The following CNBD1 variants were observed in gnomAD, a reference collection of about 807,000 sequenced individuals.
The protein encoded by CNBD1 is cyclic nucleotide-binding domain-containing protein 1.
In CNBD1, 71 loss-of-function variants were observed where a neutral mutation model predicts 54.4. The ratio of observed to expected loss-of-function variants is 1.30; its 90% CI spans 1.08 to 1.59. CNBD1 has a LOEUF of 1.59. Among genes scored for constraint, CNBD1 ranks in the 40% most tolerant of loss-of-function variants. The probability of loss-of-function intolerance (pLI) is 0.00; values close to 1 mark genes in which losing one functional copy is unlikely to be tolerated. For synonymous variants in CNBD1, 182 were observed against 170.7 expected (o/e 1.07, Z -0.51); for missense variants, 659 against 518.0 (o/e 1.27, Z -2.64).
At chr8:87,330,527 A>AT (rs1809802432) in intron 8 of CNBD1, among the ~76,000 whole-genome samples, 1 of 151,800 alleles carries the variant, frequency 6.6e-6, no homozygotes, top group Non-Finnish European at 1.5e-5. Flanking sequence ...TTCTCTTGAG[A>AT]TTTTATCTTT....
chr8:86,991,790 C>A (rs1471820552), intron 4 of CNBD1, among the ~76,000 whole-genome samples: 6 of 152,048 alleles, frequency 3.9e-5, no homozygotes, highest in Admixed American at 3.9e-4. Flanking sequence ...TATTCAGGAG[C>A]AAATGTTCAA....
At chr8:86,953,084 T>G (rs111308522) in intron 4 of CNBD1, among the ~76,000 whole-genome samples, 130 of 152,340 alleles carry the variant, frequency 8.5e-4, no homozygotes, top group African/African-American at 3.0e-3. Context: ...TTTTTCTTTC[T>G]GAATAGCAAT....
intron 4 of CNBD1, among the ~76,000 whole-genome samples, chr8:86,950,434 G>T (rs1396145623): frequency 6.6e-6 from 1 of 152,106 alleles, no homozygotes; most frequent in Non-Finnish European, 1.5e-5. Flanking sequence ...CTGTTGATAT[G>T]ATGTATCACA....
At chr8:87,041,656 G>A (rs1018675702) in intron 4 of CNBD1, among the ~76,000 whole-genome samples, 13 of 152,066 alleles carry the variant, frequency 8.5e-5, no homozygotes, top group Admixed American at 2.0e-4. Flanking sequence ...AAAATTAGCC[G>A]GGCATGGTGG....
chr8:87,261,999 CA>C (rs1248441430), intron 6 of CNBD1, among the ~76,000 whole-genome samples: 1 of 145,006 alleles, frequency 6.9e-6, no homozygotes, highest in Admixed American at 6.9e-5. Flanking sequence ...AAAAAAAATA[CA>C]AAAATTAGCC....
intron 5 of CNBD1, among the ~76,000 whole-genome samples, chr8:87,218,898 T>G (rs1440411069): frequency 6.6e-6 from 1 of 151,952 alleles, no homozygotes; most frequent in African/African-American, 2.4e-5. Flanking sequence ...TGTATTTCAT[T>G]AACTTTTTAA....
chr8:87,100,279 A>G (rs1258252829), intron 4 of CNBD1, among the ~76,000 whole-genome samples: 1 of 152,188 alleles, frequency 6.6e-6, no homozygotes. Flanking sequence ...CAAGAATAAT[A>G]TCTAGATAAA....
In CNBD1 at chr8:87,349,626, C is replaced by T. The variant is rs1412302590; in HGVS notation, c.1043-2059C>T. Reference sequence around the variant, plus strand: ...CTGACCTCAGATGATCTGCCCGCCTCGGCCTCCCAAAGTGCTGGGATTACA... The same window carrying T: ...CTGACCTCAGATGATCTGCCCGCCTTGGCCTCCCAAAGTGCTGGGATTACA... On this transcript the variant is annotated intron_variant, in intron 8 of 10. Transcript: ENST00000518476. Among the ~76,000 whole-genome samples, 17 of 152,294 alleles carry T rather than the reference C, an allele frequency of 1.1e-4. No individual in the cohort carries two copies. The South Asian group carries it at 1.9e-3, about 17-fold the overall frequency.
At chr8:87,331,908 T>C (rs1195860483) in intron 8 of CNBD1, among the ~76,000 whole-genome samples, 1 of 152,010 alleles carries the variant, frequency 6.6e-6, no homozygotes, top group Non-Finnish European at 1.5e-5. Flanking sequence ...TTTGATGGGG[T>C]TTTGTTTTTT....
At chr8:87,365,520 G>T (rs1422433399) in intron 10 of CNBD1, among the ~76,000 whole-genome samples, 1 of 151,940 alleles carries the variant, frequency 6.6e-6, no homozygotes, top group Non-Finnish European at 1.5e-5. Flanking sequence ...TGCTATACTT[G>T]AAACCACTTG....
chr8:86,930,244 T>C (rs1809433065), intron 3 of CNBD1, among the ~76,000 whole-genome samples: 1 of 152,246 alleles, frequency 6.6e-6, no homozygotes, highest in Admixed American at 6.5e-5. Flanking sequence ...CTGAGGTCTC[T>C]GCTTCCTCTG....
At chr8:86,895,204 T>C (rs1208401006) in intron 2 of CNBD1, among the ~76,000 whole-genome samples, 1 of 152,028 alleles carries the variant, frequency 6.6e-6, no homozygotes, top group Non-Finnish European at 1.5e-5. Context: ...AGCAGCTTCC[T>C]TCACTAAACA....
chr8:87,413,589 G>T (rs1362474688), intron 2 of CNBD1, among the ~76,000 whole-genome samples: 1 of 151,764 alleles, frequency 6.6e-6, no homozygotes, highest in Non-Finnish European at 1.5e-5. Flanking sequence ...CTATCTTAAG[G>T]CATCTACAGT....
chr8:87,383,866 A>G (rs1475867663), downstream of CNBD1, among the ~76,000 whole-genome samples: 5 of 152,140 alleles, frequency 3.3e-5, no homozygotes, highest in East Asian at 9.6e-4. Flanking sequence ...TAGAATTTTG[A>G]ACAAGTTAAA....
At chr8:86,943,596 A>G (rs1250715647) in intron 4 of CNBD1, among the ~76,000 whole-genome samples, 1 of 152,126 alleles carries the variant, frequency 6.6e-6, no homozygotes, top group Non-Finnish European at 1.5e-5. Context: ...TGGTGCCACC[A>G]TAAAGGAGAG....
chr8:87,399,174 T>C (rs1811457628), intron 2 of CNBD1, among the ~76,000 whole-genome samples: 1 of 152,070 alleles, frequency 6.6e-6, no homozygotes, highest in Non-Finnish European at 1.5e-5. Context: ...CAATAGCTGA[T>C]GGTTATTTTT....
Position 87,358,262 on chromosome 8 carries a change from GA to G in CNBD1, c.1303+4483del, listed in dbSNP as rs555605260. The stretch of plus-strand genomic sequence containing the variant: ...TACTTGCATAACACTAACTCAAAAT[GA>G]AAAAAATTAATTCAAATTCATATGT... On this transcript the variant is annotated intron_variant, in intron 10 of 10. Coordinates refer to ENST00000518476, the MANE Select transcript of CNBD1 (RefSeq NM_173538.3). Among the ~76,000 whole-genome samples, 7 of 152,020 alleles carry G rather than the reference GA, an allele frequency of 4.6e-5. No homozygotes were observed. In the South Asian group the frequency reaches 1.5e-3, roughly 32 times the overall value.
At chr8:86,925,719 G>GA (rs1034431806) in intron 3 of CNBD1, among the ~76,000 whole-genome samples, 1 of 99,926 alleles carries the variant, frequency 1.0e-5, no homozygotes, top group African/African-American at 4.1e-5. Context: ...CCTCTCTACT[G>GA]AAAAAAATAC....
chr8:87,226,452 G>A lies in CNBD1; in HGVS notation c.578-10467G>A, dbSNP rs1434062409. Among the ~76,000 whole-genome samples, 146 of 148,782 alleles carry A rather than the reference G, an allele frequency of 9.8e-4. 1 individual carries two copies. Among genetic ancestry groups the A allele is most frequent in the Non-Finnish European group, 1.7e-3 (116 of 67,528 alleles). On this transcript the variant is annotated intron_variant, in intron 5 of 10. Coordinates refer to ENST00000518476, the MANE Select transcript of CNBD1 (RefSeq NM_173538.3). Reference sequence around the variant, plus strand: ...TCTGGTATGTTGTGTCTTTGTTCTCGTTGGTTTCAAAGAACATCTTTATTT... The same window carrying A: ...TCTGGTATGTTGTGTCTTTGTTCTCATTGGTTTCAAAGAACATCTTTATTT...
Sources: allele counts gnomAD v4.1 joint callset (sites outside exome capture counted in the v4.1 genomes callset), GRCh38; gene constraint gnomAD v4.1.1; transcripts MANE v1.5; gene names NCBI Gene and HGNC (gene_info 2026-07-23, HGNC 2026-07-21).